POU6F2: variants seen among roughly 807,000 people sequenced by gnomAD.
The protein encoded by POU6F2 is POU domain, class 6, transcription factor 2.
Under a neutral mutation model 71.3 loss-of-function variants are expected in POU6F2, and 31 were observed. That is an observed-to-expected ratio of 0.43 (90% CI 0.33 to 0.59). POU6F2 has a LOEUF of 0.59. Ranked by LOEUF, POU6F2 falls within the 20% of genes least tolerant of loss-of-function variation. The probability of loss-of-function intolerance (pLI) is 0.04; values close to 1 mark genes in which losing one functional copy is unlikely to be tolerated. For missense variants in POU6F2, 783 were observed against 856.8 expected (o/e 0.91, Z 1.07); for synonymous variants, 347 against 355.7 (o/e 0.98, Z 0.27).
intron 4 of POU6F2, among the ~76,000 whole-genome samples, chr7:39,216,855 A>G (rs1331060935): frequency 6.6e-6 from 1 of 152,192 alleles, no homozygotes; most frequent in Admixed American, 6.5e-5. Flanking sequence ...TCTCAGATAC[A>G]GAAGCTGACA....
In POU6F2 at chr7:38,980,370, T is replaced by C. The variant is rs1015649294; in HGVS notation, c.105+2312T>C. On this transcript the variant is annotated intron_variant, in intron 1 of 9. Coordinates refer to ENST00000518318, the MANE Select transcript of POU6F2 (RefSeq NM_001370959.1). ...GAAGAATAGAATATTGTCCTATATG[T>C]ATACCATAAAAGTCAGAAAGTCTAT... 2.0e-5 allele frequency among the ~76,000 whole-genome samples: 3 copies of C among 152,216 alleles called. No individual in the cohort carries two copies. In the South Asian group the frequency reaches 6.2e-4, roughly 31 times the overall value.
chr7:39,370,703 T>C (rs1786589187), intron 5 of POU6F2, among the ~76,000 whole-genome samples: 1 of 152,202 alleles, frequency 6.6e-6, no homozygotes, highest in Admixed American at 6.5e-5. Flanking sequence ...TCTGGGTGTT[T>C]TGGATAAAAT....
Position 38,999,544 on chromosome 7 carries a change from CTGT to C in POU6F2, c.105+21493_105+21495del, listed in dbSNP as rs147346158. The stretch of plus-strand genomic sequence containing the variant: ...ACTATATGTGTAACTGGTTAAGTTA[CTGT>C]TGTTGTGGGAACCATAGGCTTTTTC... On this transcript the variant is annotated intron_variant, in intron 1 of 9. Coordinates refer to ENST00000518318, the MANE Select transcript of POU6F2 (RefSeq NM_001370959.1). Among the ~76,000 whole-genome samples, 1,066 of 152,260 alleles carry C rather than the reference CTGT, an allele frequency of 7.0e-3. 12 individuals carry two copies. Among genetic ancestry groups the C allele is most frequent in the African/African-American group, 0.024 (1,011 of 41,542 alleles).
At chr7:38,997,986 C>G (rs1250221168) in intron 1 of POU6F2, among the ~76,000 whole-genome samples, 1 of 152,194 alleles carries the variant, frequency 6.6e-6, no homozygotes, top group Non-Finnish European at 1.5e-5. Flanking sequence ...GCACTTACAT[C>G]ACAACTCTCA....
intron 2 of POU6F2, among the ~76,000 whole-genome samples, chr7:39,124,202 A>G (rs1276068619): frequency 6.6e-6 from 1 of 151,992 alleles, no homozygotes; most frequent in African/African-American, 2.4e-5. Flanking sequence ...GTGCACCACC[A>G]CACCCGGCTA....
chr7:39,208,076 G>T (rs1018851408), intron 4 of POU6F2, among the ~76,000 whole-genome samples: 2 of 152,210 alleles, frequency 1.3e-5, no homozygotes, highest in African/African-American at 4.8e-5. Flanking sequence ...TGATTATTTT[G>T]CTCTACAAAG....
intron 1 of POU6F2, among the ~76,000 whole-genome samples, chr7:39,018,341 C>A (rs73363513): frequency 0.024 from 3,641 of 152,224 alleles, 147 homozygotes; most frequent in African/African-American, 0.084. Flanking sequence ...GTTTGCAGAG[C>A]ATACAAGCCC....
At chr7:38,989,953 T>C (rs1272775702) in intron 1 of POU6F2, among the ~76,000 whole-genome samples, 1 of 152,086 alleles carries the variant, frequency 6.6e-6, no homozygotes, top group Non-Finnish European at 1.5e-5. Flanking sequence ...AGGAACTCTT[T>C]TATCTTTTGA....
chr7:39,101,596 C>T (rs12216704), intron 2 of POU6F2, among the ~76,000 whole-genome samples: 49,507 of 151,500 alleles, frequency 0.33, 8,578 homozygotes, highest in South Asian at 0.48. Context: ...GGGGAGATGT[C>T]GGTCAAAGGG....
At chr7:39,157,183 TATA>T (rs1194246761) in intron 2 of POU6F2, among the ~76,000 whole-genome samples, 4 of 152,188 alleles carry the variant, frequency 2.6e-5, no homozygotes, top group African/African-American at 7.2e-5. Flanking sequence ...GCCTGGTGCA[TATA>T]ATGTTAATAT....
intron 2 of POU6F2, among the ~76,000 whole-genome samples, chr7:39,129,154 T>C (rs1262888390): frequency 6.6e-6 from 1 of 152,126 alleles, no homozygotes; most frequent in Non-Finnish European, 1.5e-5. Context: ...TTCAGAAAAA[T>C]TGTCTTTTGA....
chr7:39,432,022 T>C (rs1788112965), intron 6 of POU6F2, among the ~76,000 whole-genome samples: 1 of 152,164 alleles, frequency 6.6e-6, no homozygotes, highest in Non-Finnish European at 1.5e-5. Context: ...GCCACCACAG[T>C]TGGAAATAGA....
At chr7:39,304,208 GAA>G (rs1785008539) in intron 4 of POU6F2, among the ~76,000 whole-genome samples, 1 of 152,204 alleles carries the variant, frequency 6.6e-6, no homozygotes, top group Non-Finnish European at 1.5e-5. Flanking sequence ...GGTAGACTGT[GAA>G]GTACCTTTAA....
chr7:39,355,327 A>G (rs1007941857), intron 5 of POU6F2, among the ~76,000 whole-genome samples: 2 of 152,230 alleles, frequency 1.3e-5, no homozygotes, highest in African/African-American at 4.8e-5. Context: ...AAAGGCTACA[A>G]ATTTTTTTAA....
chr7:39,312,442 G>T (rs1185424458), intron 4 of POU6F2, among the ~76,000 whole-genome samples: 1 of 152,150 alleles, frequency 6.6e-6, no homozygotes, highest in Non-Finnish European at 1.5e-5. Context: ...AAAGCTTCGA[G>T]AGAAAACGTG....
intron 6 of POU6F2, among the ~76,000 whole-genome samples, chr7:39,407,026 G>A (rs963521783): frequency 3.3e-5 from 5 of 151,830 alleles, no homozygotes; most frequent in Admixed American, 6.6e-5. Context: ...CATTACAGGG[G>A]GCATTCTTTC....
intron 5 of POU6F2, among the ~76,000 whole-genome samples, chr7:39,386,295 T>C (rs1562811017): frequency 6.6e-6 from 1 of 151,676 alleles, no homozygotes; most frequent in Non-Finnish European, 1.5e-5. Flanking sequence ...CCCTCCTCCA[T>C]TAACATCCTA....
chr7:39,044,139 C>G (rs1403927852), intron 1 of POU6F2, among the ~76,000 whole-genome samples: 1 of 151,778 alleles, frequency 6.6e-6, no homozygotes, highest in African/African-American at 2.4e-5. Flanking sequence ...ACAGGAGAGT[C>G]TAGGAACCTG....
At chr7:39,234,642 C>A (rs752450881) in intron 4 of POU6F2, among the ~76,000 whole-genome samples, 10 of 152,140 alleles carry the variant, frequency 6.6e-5, no homozygotes, top group Admixed American at 1.3e-4. Context: ...GCTTCATATG[C>A]AACCTATCTC....
Sources: gnomAD v4.1 joint callset for allele counts (sites outside exome capture counted in the v4.1 genomes callset) on GRCh38, gnomAD v4.1.1 for gene constraint, MANE v1.5 for transcripts, NCBI Gene and HGNC (gene_info 2026-07-23, HGNC 2026-07-21) for gene names.